Variants in MCOLN2 observed in about 807,000 individuals in gnomAD.
MCOLN2 encodes the protein mucolipin TRP cation channel 2.
MCOLN2 carries 57 observed loss-of-function variants against 67.5 expected under a neutral mutation model. The ratio of observed to expected loss-of-function variants is 0.84; its 90% CI spans 0.68 to 1.05. The LOEUF (loss-of-function observed/expected upper bound fraction) is 1.05, where lower values mean the gene tolerates loss of function less well. MCOLN2 is among the 50% of genes least tolerant of loss of function. MCOLN2 has a pLI of 0.00. For missense variants in MCOLN2, 620 were observed against 678.8 expected (o/e 0.91, Z 0.96); for synonymous variants, 246 against 233.3 (o/e 1.05, Z -0.50).
chr1:84,951,151 T>C (rs1342144480), intron 6 of MCOLN2, among the ~76,000 whole-genome samples: 1 of 152,184 alleles, frequency 6.6e-6, no homozygotes, highest in Non-Finnish European at 1.5e-5. Context: ...GTAGTTACTT[T>C]TATTTCGTTT....
chr1:84,942,795 A>C (rs1336665368), intron 7 of MCOLN2, among the ~76,000 whole-genome samples: 1 of 152,052 alleles, frequency 6.6e-6, no homozygotes, highest in Non-Finnish European at 1.5e-5. Context: ...TTATCAAGGG[A>C]ATGGCTCTAG....
At chr1:84,937,352 C>T (rs983731753) in intron 11 of MCOLN2, 6 of 156,226 alleles carry the variant, frequency 3.8e-5, no homozygotes, top group African/African-American at 1.2e-4. Context: ...CAGTCTCTGC[C>T]CATCTTCATT....
intron 1 of MCOLN2, among the ~76,000 whole-genome samples, chr1:84,992,338 A>C (rs1307661904): frequency 6.6e-6 from 1 of 152,172 alleles, no homozygotes; most frequent in Admixed American, 6.5e-5. Context: ...GAAACAGCCC[A>C]CCCAGCTGAG....
intron 1 of MCOLN2, among the ~76,000 whole-genome samples, chr1:84,984,226 A>C (rs1282059590): frequency 6.6e-6 from 1 of 152,202 alleles, no homozygotes; most frequent in Admixed American, 6.5e-5. Flanking sequence ...TATATTCTTC[A>C]TCATTCCAAC....
At position 84,948,942 on chromosome 1, in the gene MCOLN2, C is replaced by T. The variant is rs902212924; in HGVS notation, c.748-1810G>A. 1.2e-4 allele frequency among the ~76,000 whole-genome samples: 18 copies of T among 152,136 alleles called. 1 individual carries two copies. Among genetic ancestry groups the T allele is most frequent in the African/African-American group, 4.3e-4 (18 of 41,428 alleles). ...GTCAGGAGGTTGAGACCAGCCTGGC[C>T]AACATGGTGAAACCCCATCTCTAAT... On this transcript the variant is annotated intron_variant, in intron 6 of 13. Transcript: ENST00000370608.
At chr1:84,954,264 T>C (rs597630) in intron 4 of MCOLN2, among the ~76,000 whole-genome samples, 54,133 of 152,044 alleles carry the variant, frequency 0.36, 10,049 homozygotes, top group African/African-American at 0.44. Flanking sequence ...TTTTAAAAGA[T>C]AGTTGCAGAG....
chr1:84,939,822 CA>C (rs1459291122), intron 8 of MCOLN2, 120 bp from the exon 9 acceptor site: 3 of 999,034 alleles, frequency 3.0e-6, no homozygotes, highest in Non-Finnish European at 4.5e-6. Context: ...TCCAATTTGC[CA>C]GATCCACCTC....
At chr1:84,977,998 C>T (rs1007738504) in intron 1 of MCOLN2, among the ~76,000 whole-genome samples, 2 of 152,116 alleles carry the variant, frequency 1.3e-5, no homozygotes, top group African/African-American at 4.8e-5. Context: ...AGTCACAAGA[C>T]AAGTCTTAAA....
In MCOLN2 at chr1:84,987,509, TAC is replaced by T. The variant is rs1316856719; in HGVS notation, c.77+9285_77+9286del. Among the ~76,000 whole-genome samples the T allele has an allele frequency of 9.9e-4, 9 of 9,100 alleles. 1 individual carries two copies. The highest frequency in any genetic ancestry group is 1.9e-3 in the Non-Finnish European group (8 of 4,140). The allele number at this position is 9,100 out of a possible 152,430, so 6.0% of individuals were successfully genotyped here. A position where few individuals can be genotyped will look rare whatever the true frequency, so the allele number is the denominator to read the frequency against. On this transcript the variant is annotated intron_variant, in intron 1 of 13. Coordinates refer to ENST00000370608, the MANE Select transcript of MCOLN2 (RefSeq NM_153259.4). ...ATATACATATGTATACATAGATGTA[TAC>T]ATATGTATATATGTATACATCTATG...
rs181087274 is a variant in MCOLN2, at chr1:84,936,518, C to T, written c.1335+1237G>A. On this transcript the variant is annotated intron_variant, in intron 11 of 13. Transcript: ENST00000370608. The stretch of plus-strand genomic sequence containing the variant: ...GTTCTCCAAATCAGAGAGATCATAT[C>T]AAAGAATAATTTTTTCTCATGAGTC... Among the ~76,000 whole-genome samples the T allele has an allele frequency of 2.4e-4, 36 of 152,246 alleles. No homozygotes were observed. The East Asian group carries it at 6.7e-3, about 29-fold the overall frequency.
intron 6 of MCOLN2, among the ~76,000 whole-genome samples, chr1:84,949,482 C>CA (rs369005986): frequency 0.061 from 9,179 of 150,708 alleles, 398 homozygotes; most frequent in Middle Eastern, 0.18. Flanking sequence ...ACTAAAAATA[C>CA]AAAAAAAAAT....
intron 1 of MCOLN2, among the ~76,000 whole-genome samples, chr1:84,971,537 C>T (rs1313330825): frequency 1.3e-5 from 2 of 148,386 alleles, no homozygotes; most frequent in Non-Finnish European, 1.5e-5. Context: ...CACACACACA[C>T]ACACACACGA....
At chr1:84,987,402 A>G (rs1223011518) in intron 1 of MCOLN2, among the ~76,000 whole-genome samples, 1 of 139,766 alleles carries the variant, frequency 7.2e-6, no homozygotes, top group Non-Finnish European at 1.5e-5. Context: ...ATGTATATAG[A>G]TATATTTATA....
chr1:84,953,084 T>C (rs931605689), intron 4 of MCOLN2, among the ~76,000 whole-genome samples: 2 of 152,156 alleles, frequency 1.3e-5, no homozygotes, highest in African/African-American at 2.4e-5. Context: ...TTGTAGAATA[T>C]AGTATTGTAT....
At chr1:84,996,430 A>G (rs1378968323) in intron 1 of MCOLN2, among the ~76,000 whole-genome samples, 2 of 126,082 alleles carry the variant, frequency 1.6e-5, no homozygotes, top group African/African-American at 6.0e-5. Context: ...ATATATATAT[A>G]TGTTTGGAGA....
chr1:84,968,086 C>T (rs769652711), intron 1 of MCOLN2, among the ~76,000 whole-genome samples: 22 of 152,072 alleles, frequency 1.4e-4, no homozygotes, highest in African/African-American at 2.2e-4. Flanking sequence ...CCTCAGGAAA[C>T]GGGAACAAGA....
intron 7 of MCOLN2, among the ~76,000 whole-genome samples, chr1:84,941,739 CCA>C (rs1647797096): frequency 6.6e-6 from 1 of 152,190 alleles, no homozygotes; most frequent in Non-Finnish European, 1.5e-5. Context: ...CTCAGAATCC[CCA>C]CTTCTGCTTC....
At chr1:84,957,476 A>C (rs746290132) in intron 3 of MCOLN2, among the ~76,000 whole-genome samples, 5 of 152,242 alleles carry the variant, frequency 3.3e-5, no homozygotes, top group Non-Finnish European at 7.3e-5. Context: ...AAATTCATTG[A>C]AATAGATAAC....
At position 84,926,595 on chromosome 1, in the gene MCOLN2, AT is replaced by A. The variant is rs1181785564; in HGVS notation, c.*89del. The A allele has an allele frequency of 3.3e-6, 3 of 916,326 alleles. No individual in the cohort carries two copies. The highest frequency in any genetic ancestry group is 5.1e-5 in the Admixed American group (2 of 39,164). The allele number at this position is 916,326 out of a possible 1,614,324, so 56.8% of individuals were successfully genotyped here. A position where few individuals can be genotyped will look rare whatever the true frequency, so the allele number is the denominator to read the frequency against. On this transcript the variant is annotated 3_prime_UTR_variant, in exon 14 of 14. Coordinates refer to ENST00000370608, the MANE Select transcript of MCOLN2 (RefSeq NM_153259.4). ...CACTCCACAATTAAATAAGAGAGTC[AT>A]TTTGGAACTGCTTGTCCAAGTCATT...
Sources: gnomAD v4.1 joint callset for allele counts (sites outside exome capture counted in the v4.1 genomes callset) on GRCh38, gnomAD v4.1.1 for gene constraint, MANE v1.5 for transcripts, NCBI Gene and HGNC (gene_info 2026-07-23, HGNC 2026-07-21) for gene names.